Variants in PLEKHG1 observed in about 807,000 individuals in gnomAD.
PLEKHG1 encodes pleckstrin homology domain-containing family G member 1.
A neutral mutation model predicts 100.8 loss-of-function variants in PLEKHG1; 44 were observed. The ratio of observed to expected loss-of-function variants is 0.44; its 90% confidence interval spans 0.34 to 0.56. PLEKHG1 has a LOEUF of 0.56. PLEKHG1 is among the 20% of genes least tolerant of loss of function. The pLI is 0.01. For synonymous variants in PLEKHG1, 640 were observed against 662.5 expected, an observed-to-expected ratio of 0.97 and a Z score of 0.52; for missense variants, 1,545 against 1,720.9, an observed-to-expected ratio of 0.90 and a Z score of 1.81.
chr6:150,806,636 G>A (rs1208986336), intron 7 of PLEKHG1, among the ~76,000 whole-genome samples: 2 of 149,094 alleles, frequency 1.3e-5, no homozygotes, highest in African/African-American at 5.0e-5. Context: ...TTGCACTCCA[G>A]CCTGGGTGAC....
intron 3 of PLEKHG1, among the ~76,000 whole-genome samples, chr6:150,769,414 T>C (rs1281510663): frequency 6.6e-6 from 1 of 151,400 alleles, no homozygotes; most frequent in Non-Finnish European, 1.5e-5. Context: ...AAACCCCATC[T>C]CTACTAAAAA....
At chr6:150,637,265 C>A (rs960094775) in intron 1 of PLEKHG1, among the ~76,000 whole-genome samples, 1 of 152,058 alleles carries the variant, frequency 6.6e-6, no homozygotes, top group Non-Finnish European at 1.5e-5. Flanking sequence ...GAACTCCCAT[C>A]GTGGGTCATG....
At chr6:150,776,235 A>G (rs1001246194) in intron 3 of PLEKHG1, among the ~76,000 whole-genome samples, 2 of 152,274 alleles carry the variant, frequency 1.3e-5, no homozygotes, top group African/African-American at 2.4e-5. Context: ...CAAAAAGAAG[A>G]AAATATTTAA....
At chr6:150,782,747 G>A (rs1785384718) in intron 3 of PLEKHG1, among the ~76,000 whole-genome samples, 1 of 152,198 alleles carries the variant, frequency 6.6e-6, no homozygotes, top group Non-Finnish European at 1.5e-5. Flanking sequence ...AATTTTTTAA[G>A]AGTATAAACA....
At chr6:150,796,184 A>G (rs965432309) in intron 5 of PLEKHG1, among the ~76,000 whole-genome samples, 3 of 152,180 alleles carry the variant, frequency 2.0e-5, no homozygotes, top group African/African-American at 4.8e-5. Flanking sequence ...TAAGCAAGCT[A>G]TTGCATCAGG....
chr6:150,668,248 A>G (rs1262008689), intron 3 of PLEKHG1, among the ~76,000 whole-genome samples: 1 of 152,142 alleles, frequency 6.6e-6, no homozygotes, highest in Non-Finnish European at 1.5e-5. Context: ...ACAGAACACA[A>G]AATTATCATG....
rs530247880 is a variant in PLEKHG1, at chr6:150,682,178, A to G, written c.-99+31392A>G. Among the ~76,000 whole-genome samples the G allele has an allele frequency of 1.4e-4, 21 of 152,246 alleles. 1 individual carries two copies. The East Asian group carries it at 4.1e-3, about 30-fold the overall frequency. Reference sequence around the variant, plus strand: ...CTGCATGTCTGGGCCTTGTGCTGGCAGGCCCAGCGACACTCCAGAAAGAGC... The same window carrying G: ...CTGCATGTCTGGGCCTTGTGCTGGCGGGCCCAGCGACACTCCAGAAAGAGC... On this transcript the variant is annotated intron_variant, in intron 3 of 3. Coordinates refer to the PLEKHG1 transcript ENST00000367326.
intron 1 of PLEKHG1, among the ~76,000 whole-genome samples, chr6:150,633,472 G>A (rs1028592391): frequency 2.0e-5 from 3 of 152,286 alleles, no homozygotes; most frequent in African/African-American, 7.2e-5. Context: ...TGGGAATCAG[G>A]CAGAGTGCAG....
chr6:150,705,511 C>T (rs112523303), intron 3 of PLEKHG1, among the ~76,000 whole-genome samples: 43 of 152,342 alleles, frequency 2.8e-4, no homozygotes, highest in African/African-American at 1.0e-3. Flanking sequence ...ACGCACAGGG[C>T]CCCCTGAGCC....
At chr6:150,669,355 C>T (rs539157437) in intron 3 of PLEKHG1, among the ~76,000 whole-genome samples, 8 of 152,154 alleles carry the variant, frequency 5.3e-5, no homozygotes, top group Non-Finnish European at 1.0e-4. Context: ...GATTGCCTAC[C>T]GAGGTCATTC....
chr6:150,749,591 G>A (rs186400739), intron 2 of PLEKHG1, among the ~76,000 whole-genome samples: 1 of 152,262 alleles, frequency 6.6e-6, no homozygotes, highest in East Asian at 1.9e-4. Flanking sequence ...ATCTGTATGT[G>A]ATAATTAAAG....
rs76264813 is a variant in PLEKHG1 at position 150,814,811 on chromosome 6, T to C, written c.1279-3372T>C. Among the ~76,000 whole-genome samples, 457 of 152,302 alleles carry C rather than the reference T, an allele frequency of 3.0e-3. 3 individuals are homozygous for C. The highest frequency in any genetic ancestry group is 0.01 in the African/African-American group (436 of 41,560). On this transcript the variant is annotated intron_variant, in intron 10 of 15. Transcript: ENST00000358517. Reference sequence around the variant, plus strand: ...AAAAAGCACACTGCCACCTCCACCTTCTGGGTTCAAGTATTCTTGTGCCTC... The same window carrying C: ...AAAAAGCACACTGCCACCTCCACCTCCTGGGTTCAAGTATTCTTGTGCCTC...
chr6:150,817,854 G>A (rs1396113746), intron 10 of PLEKHG1, among the ~76,000 whole-genome samples: 2 of 151,774 alleles, frequency 1.3e-5, no homozygotes, highest in African/African-American at 2.4e-5. Context: ...GAGCTACCGC[G>A]CCCAGCCGAG....
intron 3 of PLEKHG1, among the ~76,000 whole-genome samples, chr6:150,659,470 C>T (rs1189015988): frequency 6.6e-6 from 1 of 152,152 alleles, no homozygotes; most frequent in Non-Finnish European, 1.5e-5. Context: ...AGTTATTTGC[C>T]AACCTCACCT....
At chr6:150,814,747 C>G (rs1284710818) in intron 10 of PLEKHG1, among the ~76,000 whole-genome samples, 1 of 152,182 alleles carries the variant, frequency 6.6e-6, no homozygotes, top group Non-Finnish European at 1.5e-5. Context: ...CTCACTCTGT[C>G]ACCCAGGCTG....
intron 2 of PLEKHG1, among the ~76,000 whole-genome samples, chr6:150,742,341 C>T (rs1040630573): frequency 1.3e-5 from 2 of 151,874 alleles, no homozygotes; most frequent in South Asian, 2.1e-4. Flanking sequence ...CCGAGGTGGG[C>T]GGATCACGAT....
chr6:150,840,917 T>G, exon 16 of PLEKHG1: 3 of 1,528,610 alleles, frequency 2.0e-6, no homozygotes, highest in Non-Finnish European at 2.7e-6. Flanking sequence ...AATAACTGCT[T>G]GAATCAACTT....
intron 2 of PLEKHG1, among the ~76,000 whole-genome samples, chr6:150,756,446 C>T (rs918048640): frequency 1.3e-5 from 2 of 152,190 alleles, no homozygotes; most frequent in Admixed American, 1.3e-4. Flanking sequence ...AATAACTTAG[C>T]CATGAGTTTC....
intron 2 of PLEKHG1, among the ~76,000 whole-genome samples, chr6:150,757,025 T>G (rs1783880027): frequency 6.6e-6 from 1 of 152,142 alleles, no homozygotes; most frequent in African/African-American, 2.4e-5. Flanking sequence ...TTTATTTGTT[T>G]TAAGATGGAG....
Sources: gnomAD v4.1 joint callset for allele counts (sites outside exome capture counted in the v4.1 genomes callset) on GRCh38, gnomAD v4.1.1 for gene constraint, MANE v1.5 for transcripts, NCBI Gene and HGNC (gene_info 2026-07-23, HGNC 2026-07-21) for gene names.